The following SYT11 variants were observed in gnomAD, a reference collection of about 807,000 sequenced individuals.
The protein encoded by SYT11 is synaptotagmin 11, also known as synaptotagmin-11.
Under a neutral mutation model 30.4 loss-of-function variants are expected in SYT11, and 12 were observed. That is an observed-to-expected ratio of 0.39 (90% CI 0.25 to 0.64). The LOEUF is 0.64. Among genes scored for constraint, SYT11 ranks in the 30% least tolerant of loss-of-function variants. The probability of loss-of-function intolerance (pLI) is 0.45; values close to 1 mark genes in which losing one functional copy is unlikely to be tolerated. For synonymous variants in SYT11, 204 were observed against 216.0 expected (o/e 0.94, Z 0.49); for missense variants, 412 against 552.0 (o/e 0.75, Z 2.54).
At chr1:155,875,646 GC>G (rs1672849038) in intron 2 of SYT11, among the ~76,000 whole-genome samples, 1 of 152,030 alleles carries the variant, frequency 6.6e-6, no homozygotes, top group African/African-American at 2.4e-5. Flanking sequence ...CAAGTGATCC[GC>G]CCTCCTCGGC....
At chr1:155,870,973 C>T (rs191397830) in intron 2 of SYT11, among the ~76,000 whole-genome samples, 39 of 152,296 alleles carry the variant, frequency 2.6e-4, no homozygotes, top group African/African-American at 8.7e-4. Context: ...GCCCTCAGGA[C>T]ATCTGGCCCC....
intron 1 of SYT11, 119 bp from the exon 2 acceptor site, chr1:155,867,845 AT>A: frequency 5.2e-6 from 4 of 774,822 alleles, no homozygotes; most frequent in Non-Finnish European, 8.1e-6. Flanking sequence ...AGATGAGCAC[AT>A]TTTGCTTTAG....
chr1:155,874,417 T>C (rs1220753008), intron 2 of SYT11, among the ~76,000 whole-genome samples: 1 of 151,042 alleles, frequency 6.6e-6, no homozygotes, highest in African/African-American at 2.4e-5. Context: ...CTGGGCAACA[T>C]AGCAAAACCC....
chr1:155,876,235 CTTTTTTTTTTTT>C (rs67952920), intron 2 of SYT11, among the ~76,000 whole-genome samples: 1 of 96,118 alleles, frequency 1.0e-5, no homozygotes, highest in African/African-American at 4.0e-5. Context: ...ACTCACCTCC[CTTTTTTTTTTTT>C]TTTTTTTTTT....
chr1:155,876,258 T>TTTC (rs1672857510), intron 2 of SYT11, among the ~76,000 whole-genome samples: 1 of 94,366 alleles, frequency 1.1e-5, no homozygotes, highest in Non-Finnish European at 2.7e-5. Flanking sequence ...TTTTTTTTTT[T>TTTC]CTTTTGAGAC....
At position 155,859,647 on chromosome 1, in the gene SYT11, ACCTTCCCCCTTCC is replaced by A; in HGVS notation, c.-113_-101del. The stretch of plus-strand genomic sequence containing the variant: ...CCGTCGCAGGAGGCGTCCGCTGGAT[ACCTTCCCCCTTCC>A]CTGACCTAGAGCTCTACAGCTGCTG... On this transcript the variant is annotated 5_prime_UTR_variant, in exon 1 of 4. Transcript: ENST00000368324. The A allele has an allele frequency of 1.0e-6, 1 of 972,974 alleles. No homozygotes were observed. Among genetic ancestry groups the A allele is most frequent in the Non-Finnish European group, 1.7e-6 (1 of 604,004 alleles). The allele number at this position is 972,974 out of a possible 1,614,324, so 60.3% of individuals were successfully genotyped here. A position where few individuals can be genotyped will look rare whatever the true frequency, so the allele number is the denominator to read the frequency against.
At chr1:155,866,955 CAT>C (rs1158836624) in intron 1 of SYT11, among the ~76,000 whole-genome samples, 2 of 133,388 alleles carry the variant, frequency 1.5e-5, no homozygotes, top group Non-Finnish European at 3.2e-5. Flanking sequence ...CACACATATA[CAT>C]ATATACACAT....
intron 2 of SYT11, among the ~76,000 whole-genome samples, chr1:155,871,464 G>A (rs1672780187): frequency 6.6e-6 from 1 of 152,208 alleles, no homozygotes; most frequent in Non-Finnish European, 1.5e-5. Context: ...TACACTTGCA[G>A]CCCAAGGCTG....
At position 155,868,255 on chromosome 1, in the gene SYT11, G is replaced by C. The variant is rs1437274504; in HGVS notation, c.325G>C (p.Asp109His). 6.2e-7 allele frequency: 1 copy of C among 1,613,996 alleles called. No individual in the cohort carries two copies. Among genetic ancestry groups the C allele is most frequent in the Non-Finnish European group, 8.5e-7 (1 of 1,180,034 alleles). The change falls in exon 2 of 4, where the codon GAT (aspartate) becomes CAT (histidine). Residue 109 changes from aspartate (D) to histidine (H), a missense_variant. Asp to His is a moderately conservative substitution (Grantham distance 81, BLOSUM62 -1). Coordinates refer to ENST00000368324, the MANE Select transcript of SYT11 (RefSeq NM_152280.5). This position sits in a 1 kb window ranked among gnomAD's most constrained non-coding sequence, Gnocchi z 4.7. The part of the protein sequence containing the change: ...AEAGLLSRDK[D>H]PRGPSSGSCI... ...GGCTGGCCTGCTAAGCCGAGACAAA[G>C]ATCCCAGGGGGCCTAGCTCTGGATC...
chr1:155,875,210 A>C (rs1672842301), intron 2 of SYT11, among the ~76,000 whole-genome samples: 1 of 130,154 alleles, frequency 7.7e-6, no homozygotes. Context: ...CCATCGCACC[A>C]CTGCACTCCA....
At chr1:155,866,961 T>C (rs1672687619) in intron 1 of SYT11, among the ~76,000 whole-genome samples, 1 of 105,330 alleles carries the variant, frequency 9.5e-6, no homozygotes, top group Non-Finnish European at 1.9e-5. Context: ...TATACATATA[T>C]ACACATACAC....
At position 155,859,696 on chromosome 1, in the gene SYT11, G is replaced by C; in HGVS notation, c.-66G>C. ...GCTCTACAGCTGCTGCCTCGGTACT[G>C]ACCGAGGGTTCCCAGAGCTGTCTCA... On this transcript the variant is annotated 5_prime_UTR_variant, in exon 1 of 4. Transcript: ENST00000368324. 6.6e-7 allele frequency: 1 copy of C among 1,506,026 alleles called. No individual in the cohort carries two copies. The highest frequency in any genetic ancestry group is 9.2e-7 in the Non-Finnish European group (1 of 1,081,820). 93.3% of individuals were successfully genotyped at this position (1,506,026 alleles called of 1,614,324 possible).
In SYT11 at chr1:155,866,694, G is replaced by A. The variant is rs144594772; in HGVS notation, c.35-1271G>A. Among the ~76,000 whole-genome samples the A allele has an allele frequency of 3.9e-3, 600 of 152,060 alleles. 4 individuals carry two copies. The highest frequency in any genetic ancestry group is 6.8e-3 in the Middle Eastern group (2 of 294). ...GTTGAAAAAAATTAAGCAAGGCTAG[G>A]AAGAGTGGGTGGTGAGGATGGAGAA... On this transcript the variant is annotated intron_variant, in intron 1 of 3. Coordinates refer to ENST00000368324, the MANE Select transcript of SYT11 (RefSeq NM_152280.5).
In SYT11 at chr1:155,860,255, G is replaced by C. The variant is rs1350018761; in HGVS notation, c.34+460G>C. On this transcript the variant is annotated intron_variant, in intron 1 of 3. Transcript: ENST00000368324. The surrounding 1 kb of genome is among the most constrained non-coding windows in gnomAD (Gnocchi z 4.1). ...TGGGGCATCAAGATGGCAGCTTGGAGACTGTGGGCCGTGTGGCTGGCAGCC... is the reference window on the plus strand; with the variant it reads ...TGGGGCATCAAGATGGCAGCTTGGACACTGTGGGCCGTGTGGCTGGCAGCC... Among the ~76,000 whole-genome samples, 1 of 152,228 alleles carries C rather than the reference G, an allele frequency of 6.6e-6. No individual in the cohort carries two copies. The highest frequency in any genetic ancestry group is 2.4e-5 in the African/African-American group (1 of 41,456).
At chr1:155,880,784 T>C (rs1298939970) in intron 3 of SYT11, among the ~76,000 whole-genome samples, 161 bp downstream of exon 3, 1 of 152,186 alleles carries the variant, frequency 6.6e-6, no homozygotes, top group African/African-American at 2.4e-5. Flanking sequence ...CTACGTCCAA[T>C]AGATTTCCCT....
In SYT11 at chr1:155,868,707, C is replaced by T. The variant is rs147010474; in HGVS notation, c.777C>T (p.Gly259=). The change falls in exon 2 of 4, where the codon GGC becomes GGT. Residue 259 remains glycine (G), a synonymous_variant. Coordinates refer to ENST00000368324, the MANE Select transcript of SYT11 (RefSeq NM_152280.5). The surrounding 1 kb of genome is among the most constrained non-coding windows in gnomAD (Gnocchi z 4.7). The part of the protein sequence containing the change: ...FDRFSRDDVI[G]EVMVPLAGVD... ...GCTTCTCTCGGGATGATGTCATTGG[C>T]GAGGTCATGGTGCCACTGGCAGGGG... 27 of 1,614,050 alleles carry T rather than the reference C, an allele frequency of 1.7e-5. No individual in the cohort carries two copies. In the African/African-American group the frequency reaches 1.7e-4, roughly 10 times the overall value.
At position 155,868,849 on chromosome 1, in the gene SYT11, G is replaced by A. The variant is rs1356206737; in HGVS notation, c.861+58G>A. ...TAGGTTGGGGGAGAAAATATCTCAGGGGATAAATGGAAGTGGGAGGGGAGT... is the reference window on the plus strand; with the variant it reads ...TAGGTTGGGGGAGAAAATATCTCAGAGGATAAATGGAAGTGGGAGGGGAGT... On this transcript the variant is annotated intron_variant, in intron 2 of 3. Coordinates refer to ENST00000368324, the MANE Select transcript of SYT11 (RefSeq NM_152280.5). This position sits in a 1 kb window ranked among gnomAD's most constrained non-coding sequence, Gnocchi z 4.7. The A allele has an allele frequency of 6.6e-7, 1 of 1,512,146 alleles. No homozygotes were observed. The highest frequency in any genetic ancestry group is 9.0e-7 in the Non-Finnish European group (1 of 1,114,764). The allele number at this position is 1,512,146 out of a possible 1,614,324, so 93.7% of individuals were successfully genotyped here.
chr1:155,866,404 G>A (rs1358967809), intron 1 of SYT11, among the ~76,000 whole-genome samples: 2 of 152,186 alleles, frequency 1.3e-5, no homozygotes, highest in Admixed American at 6.5e-5. Context: ...GGCGTGAGCC[G>A]CCACACCCGG....
In SYT11 at chr1:155,867,945, T is replaced by G. The variant is rs755092084; in HGVS notation, c.35-20T>G. Reference sequence around the variant, plus strand: ...GGTGAAGTCCACCCGCCCTGACACATCTCTGATCTCCGCCTTCAGATGTGT... The same window carrying G: ...GGTGAAGTCCACCCGCCCTGACACAGCTCTGATCTCCGCCTTCAGATGTGT... On this transcript the variant is annotated intron_variant, in intron 1 of 3. Coordinates refer to ENST00000368324, the MANE Select transcript of SYT11 (RefSeq NM_152280.5). 1 of 1,586,962 alleles carries G rather than the reference T, an allele frequency of 6.3e-7. No homozygotes were observed. The highest frequency in any genetic ancestry group is 8.6e-7 in the Non-Finnish European group (1 of 1,165,624).
Sources: allele counts gnomAD v4.1 joint callset (sites outside exome capture counted in the v4.1 genomes callset), GRCh38; gene constraint gnomAD v4.1.1; non-coding constraint Gnocchi (gnomAD v3.1); transcripts MANE v1.5; gene names NCBI Gene and HGNC (gene_info 2026-07-23, HGNC 2026-07-21).